PLPP3: variants seen among roughly 807,000 people sequenced by gnomAD.
PLPP3 encodes phospholipid phosphatase 3.
PLPP3 carries 6 observed loss-of-function variants against 29.6 expected under a neutral mutation model. The ratio of observed to expected loss-of-function variants is 0.20; its 90% CI spans 0.11 to 0.40. The LOEUF is 0.40. Ranked by LOEUF, PLPP3 falls within the 10% of genes least tolerant of loss-of-function variation. PLPP3 has a pLI of 1.00. For synonymous variants in PLPP3, 152 were observed against 159.7 expected (o/e 0.95, Z 0.36); for missense variants, 308 against 407.7 (o/e 0.76, Z 2.11).
intron 4 of PLPP3, among the ~76,000 whole-genome samples, chr1:56,521,913 G>T (rs1046823775): frequency 6.6e-6 from 1 of 152,152 alleles, no homozygotes; most frequent in East Asian, 1.9e-4. Context: ...GTTGGGGACC[G>T]GAGGGAGGGG....
chr1:56,510,710 G>C (rs1256992814), intron 5 of PLPP3, among the ~76,000 whole-genome samples: 1 of 152,170 alleles, frequency 6.6e-6, no homozygotes, highest in Non-Finnish European at 1.5e-5. Flanking sequence ...GTGTTCTCAA[G>C]AAAGGTTAGA....
chr1:56,516,990 G>A (rs1434804321), intron 4 of PLPP3: 3 of 152,190 alleles, frequency 2.0e-5, no homozygotes, highest in African/African-American at 4.8e-5. Flanking sequence ...CTGAACTTGA[G>A]GCTGTTCCTC....
chr1:56,575,890 A>C (rs80265894), intron 1 of PLPP3, among the ~76,000 whole-genome samples: 2,650 of 152,300 alleles, frequency 0.017, 71 homozygotes, highest in East Asian at 0.1. Context: ...CATACACCAC[A>C]ATCAATGTAC....
Position 56,524,533 on chromosome 1 carries a change from G to C in PLPP3, c.319C>G (p.Arg107Gly). The change falls in exon 3 of 6, where the codon CGG becomes GGG. Residue 107 changes from arginine to glycine, a missense_variant. Physicochemically the swap from Arg to Gly is moderately radical, Grantham distance 125. This residue lies in a region of PLPP3 where 232 missense variants were observed against 317.2 expected (regional missense o/e 0.73). Transcript: ENST00000371250. This position sits in a 1 kb window ranked among gnomAD's most constrained non-coding sequence, Gnocchi z 4.3. ...ILAIITGEFY[R>G]IYYLKKSRST... ...CGCGACTTCTTCAGGTAATAGATCC[G>C]GTAGAATTCCCCCGTGATGATCTAA... 1.2e-6 allele frequency: 2 copies of C among 1,610,542 alleles called. No individual in the cohort carries two copies. Among genetic ancestry groups the C allele is most frequent in the Non-Finnish European group, 1.7e-6 (2 of 1,176,924 alleles).
chr1:56,557,292 C>T (rs534678481), intron 1 of PLPP3, among the ~76,000 whole-genome samples: 23 of 151,482 alleles, frequency 1.5e-4, no homozygotes, highest in African/African-American at 4.8e-4. Flanking sequence ...GCAGGAGAAT[C>T]GCTTGAACCT....
chr1:56,534,896 G>A (rs535707193), intron 2 of PLPP3, among the ~76,000 whole-genome samples: 103 of 152,174 alleles, frequency 6.8e-4, no homozygotes, highest in Admixed American at 1.4e-3. Context: ...ATTGCAAAGA[G>A]GAGTGAGAAT....
chr1:56,524,473 A>C lies in PLPP3; in HGVS notation c.379T>G (p.Tyr127Asp). The C allele has an allele frequency of 6.2e-7, 1 of 1,614,126 alleles. No homozygotes were observed. Among genetic ancestry groups the C allele is most frequent in the Non-Finnish European group, 8.5e-7 (1 of 1,179,958 alleles). ...TIQNPYVAAL[Y>D]KQVGCFLFGC... ...AAGAGGAAGCAGCCCACTTGCTTAT[A>C]GAGTGCTGCCACGTAGGGGTTCTGA... is the stretch of plus-strand genomic sequence containing the variant. Residue 127 changes from tyrosine (Y) to aspartate (D), a missense_variant, in exon 3 of 6, where the codon TAT (tyrosine) becomes GAT (aspartate). Transcript: ENST00000371250. The surrounding 1 kb of genome is among the most constrained non-coding windows in gnomAD (Gnocchi z 4.3).
Position 56,512,406 on chromosome 1 carries a change from G to A in PLPP3, c.634-254C>T, listed in dbSNP as rs907182679. On this transcript the variant is annotated intron_variant, in intron 4 of 5. Transcript: ENST00000371250. ...GTGGGCAGATCACCTGAGGTCAGGTGTTTGAGACCAGTCTGGCCAACATAG... is the reference window on the plus strand; with the variant it reads ...GTGGGCAGATCACCTGAGGTCAGGTATTTGAGACCAGTCTGGCCAACATAG... 1.0e-5 allele frequency: 4 copies of A among 383,716 alleles called. No individual in the cohort carries two copies. In the Admixed American group the frequency reaches 1.5e-4, roughly 14 times the overall value. The allele number at this position is 383,716 out of a possible 1,614,324, so 23.8% of individuals were successfully genotyped here. A position where few individuals can be genotyped will look rare whatever the true frequency, so the allele number is the denominator to read the frequency against.
intron 1 of PLPP3, among the ~76,000 whole-genome samples, chr1:56,568,921 G>A (rs372944226): frequency 3.3e-5 from 5 of 151,398 alleles, no homozygotes; most frequent in African/African-American, 9.7e-5. Flanking sequence ...CACCGCGCCC[G>A]GCCCTGTCAT....
chr1:56,510,379 A>G (rs1305992242), intron 5 of PLPP3, among the ~76,000 whole-genome samples: 1 of 152,246 alleles, frequency 6.6e-6, no homozygotes, highest in Non-Finnish European at 1.5e-5. Flanking sequence ...GAAAAAAGAA[A>G]AAGAAAGCAA....
At position 56,524,464 on chromosome 1, in the gene PLPP3, C is replaced by T. The variant is rs1453922708; in HGVS notation, c.388G>A (p.Val130Met). 1 of 1,613,970 alleles carries T rather than the reference C, an allele frequency of 6.2e-7. No homozygotes were observed. Among genetic ancestry groups the T allele is most frequent in the African/African-American group, 1.3e-5 (1 of 74,928 alleles). The change falls in exon 3 of 6, where the codon GTG becomes ATG. Residue 130 changes from valine (V) to methionine (M), a missense_variant. Val to Met is a conservative substitution (Grantham distance 21). Around this residue, in one of 3 missense-constraint regions of PLPP3, gnomAD observed 232 missense variants for 317.2 expected, o/e 0.73. Transcript: ENST00000371250. This position sits in a 1 kb window ranked among gnomAD's most constrained non-coding sequence, Gnocchi z 4.3. ...GCACAGCCAAAGAGGAAGCAGCCCA[C>T]TTGCTTATAGAGTGCTGCCACGTAG... ...NPYVAALYKQ[V>M]GCFLFGCAIS...
chr1:56,546,438 G>A (rs781250888), intron 1 of PLPP3, among the ~76,000 whole-genome samples: 8 of 152,180 alleles, frequency 5.3e-5, no homozygotes, highest in South Asian at 4.1e-4. Context: ...TCTTGATGCC[G>A]TAATGTCTCC....
At chr1:56,567,638 C>G (rs990577272) in intron 1 of PLPP3, among the ~76,000 whole-genome samples, 2 of 152,034 alleles carry the variant, frequency 1.3e-5, no homozygotes, top group African/African-American at 2.4e-5. Context: ...ACCTCGTGAT[C>G]CACCCGCCTC....
At chr1:56,514,508 C>A (rs1217285390) in intron 4 of PLPP3, among the ~76,000 whole-genome samples, 1 of 152,104 alleles carries the variant, frequency 6.6e-6, no homozygotes. Flanking sequence ...GCAACCCAGA[C>A]CTTATTTTGG....
At chr1:56,531,456 A>C (rs1645887876) in intron 2 of PLPP3, among the ~76,000 whole-genome samples, 1 of 152,186 alleles carries the variant, frequency 6.6e-6, no homozygotes, top group South Asian at 2.1e-4. Context: ...CCTGCTTGCT[A>C]TAAGGGAGGT....
chr1:56,501,653 A>G (rs1184574047), intron 5 of PLPP3, among the ~76,000 whole-genome samples: 2 of 152,144 alleles, frequency 1.3e-5, no homozygotes, highest in African/African-American at 4.8e-5. Context: ...GATCTAATTT[A>G]CCCAAGCACT....
At chr1:56,513,628 C>A (rs1645761018) in intron 4 of PLPP3, 1 of 152,096 alleles carries the variant, frequency 6.6e-6, no homozygotes, top group South Asian at 2.1e-4. Context: ...ACGTGGAACA[C>A]TATTTCAAAT....
At chr1:56,520,091 GATAA>G (rs1366754999) in intron 4 of PLPP3, among the ~76,000 whole-genome samples, 1 of 152,118 alleles carries the variant, frequency 6.6e-6, no homozygotes, top group Non-Finnish European at 1.5e-5. Context: ...GTGATTGAGA[GATAA>G]ATAGACAGGC....
intron 5 of PLPP3, among the ~76,000 whole-genome samples, chr1:56,502,559 T>C (rs1270185213): frequency 6.6e-6 from 1 of 152,194 alleles, no homozygotes; most frequent in Non-Finnish European, 1.5e-5. Flanking sequence ...TAGTGGACAA[T>C]CTGTGGAGAT....
Sources: allele counts gnomAD v4.1 joint callset (sites outside exome capture counted in the v4.1 genomes callset), GRCh38; gene constraint gnomAD v4.1.1; regional missense constraint gnomAD v4.1.1; non-coding constraint Gnocchi (gnomAD v3.1); transcripts MANE v1.5; gene names NCBI Gene and HGNC (gene_info 2026-07-23, HGNC 2026-07-21).